Variants in COL13A1 observed in about 807,000 individuals in gnomAD.
COL13A1 encodes the protein collagen type XIII alpha 1 chain, also known as collagen alpha-1(XIII) chain.
Under a neutral mutation model 130.9 loss-of-function variants are expected in COL13A1, and 89 were observed. The observed-to-expected ratio is 0.68, with a 90% CI of 0.57 to 0.81. COL13A1 has a LOEUF of 0.81. Among genes scored for constraint, COL13A1 ranks in the 30% least tolerant of loss-of-function variants. The pLI is 0.00. For missense variants in COL13A1, 879 were observed against 934.6 expected (o/e 0.94, Z 0.78); for synonymous variants, 402 against 341.6 (o/e 1.18, Z -1.95).
At chr10:69,890,328 T>G (rs1180544494) in intron 10 of COL13A1, among the ~76,000 whole-genome samples, 1 of 152,096 alleles carries the variant, frequency 6.6e-6, no homozygotes, top group Non-Finnish European at 1.5e-5. Flanking sequence ...ATTTTGGTTT[T>G]CAATAAATCC....
intron 17 of COL13A1, among the ~76,000 whole-genome samples, chr10:69,908,789 C>T (rs963458190): frequency 4.6e-5 from 7 of 152,156 alleles, no homozygotes; most frequent in Admixed American, 6.5e-5. Flanking sequence ...CCCCAGGAAG[C>T]GGGAGATTTG....
At chr10:69,837,095 G>A (rs1010461923) in intron 2 of COL13A1, among the ~76,000 whole-genome samples, 14 of 152,146 alleles carry the variant, frequency 9.2e-5, no homozygotes, top group African/African-American at 3.4e-4. Context: ...GGGTGCCCAG[G>A]GCCCAAGAGC....
chr10:69,888,125 G>A lies in COL13A1; in HGVS notation c.550-179G>A, dbSNP rs866404882. Among the ~76,000 whole-genome samples the A allele has an allele frequency of 2.0e-5, 3 of 152,312 alleles. No homozygotes were observed. In the South Asian group the frequency reaches 6.2e-4, roughly 32 times the overall value. On this transcript the variant is annotated intron_variant, in intron 8 of 40. Coordinates refer to ENST00000645393, the MANE Select transcript of COL13A1 (RefSeq NM_001368882.1). ...TTCTATTATTCTCAACCCCATTTCA[G>A]GATGGGAAGTTGAGGCCTAGGCTTA... is the stretch of plus-strand genomic sequence containing the variant.
At position 69,889,312 on chromosome 10, in the gene COL13A1, G is replaced by A. The variant is rs772011277; in HGVS notation, c.577-102G>A. The A allele has an allele frequency of 3.1e-5, 26 of 848,134 alleles. 1 individual carries two copies. Among genetic ancestry groups the A allele is most frequent in the Non-Finnish European group, 3.7e-5 (24 of 641,420 alleles). The allele number at this position is 848,134 out of a possible 1,614,324, so 52.5% of individuals were successfully genotyped here. On this transcript the variant is annotated intron_variant, in intron 9 of 40. Transcript: ENST00000645393. Reference sequence around the variant, plus strand: ...ACAGGGGACAGGGAGGAGCACGGGGGGCAGGGAGGAGCACAGGGGGCAGGG... The same window carrying A: ...ACAGGGGACAGGGAGGAGCACGGGGAGCAGGGAGGAGCACAGGGGGCAGGG...
chr10:69,918,105 A>G (rs1341586553), intron 18 of COL13A1, among the ~76,000 whole-genome samples, 180 bp from the exon 19 acceptor site: 1 of 152,058 alleles, frequency 6.6e-6, no homozygotes, highest in Non-Finnish European at 1.5e-5. Flanking sequence ...CTCAGGGTCC[A>G]TTCTCGTGGC....
intron 21 of COL13A1, 49 bp from the exon 22 acceptor site, chr10:69,921,833 T>G: frequency 6.4e-7 from 1 of 1,574,596 alleles, no homozygotes; most frequent in Non-Finnish European, 8.6e-7. Context: ...TTCCCAAACC[T>G]GCTGCAGAAA....
intron 17 of COL13A1, among the ~76,000 whole-genome samples, chr10:69,912,425 T>A (rs1454988476): frequency 6.6e-6 from 1 of 152,108 alleles, no homozygotes; most frequent in Non-Finnish European, 1.5e-5. Flanking sequence ...GCTGCCTTTT[T>A]CCCGGAAGGA....
chr10:69,906,477 T>G (rs531771059), intron 17 of COL13A1, among the ~76,000 whole-genome samples: 1 of 152,150 alleles, frequency 6.6e-6, no homozygotes, highest in Non-Finnish European at 1.5e-5. Flanking sequence ...CCACATGGCC[T>G]CTTATCCTCC....
At chr10:69,918,126 C>G (rs991325300) in intron 18 of COL13A1, among the ~76,000 whole-genome samples, 159 bp from the exon 19 acceptor site, 4 of 152,194 alleles carry the variant, frequency 2.6e-5, no homozygotes, top group African/African-American at 9.7e-5. Context: ...GTCAGCTCAG[C>G]GCCCCCACCT....
At chr10:69,844,923 G>C (rs1262587300) in intron 2 of COL13A1, among the ~76,000 whole-genome samples, 5 of 152,224 alleles carry the variant, frequency 3.3e-5, no homozygotes, top group African/African-American at 1.2e-4. Context: ...GAGAGCCTGG[G>C]CTCTGTTTTG....
intron 2 of COL13A1, among the ~76,000 whole-genome samples, chr10:69,850,801 C>G (rs1320922104): frequency 6.6e-6 from 1 of 152,216 alleles, no homozygotes; most frequent in Admixed American, 6.5e-5. Flanking sequence ...GTGATGGCCT[C>G]AGCCCACCCA....
intron 2 of COL13A1, among the ~76,000 whole-genome samples, chr10:69,867,339 C>A (rs954491372): frequency 6.6e-6 from 1 of 152,252 alleles, no homozygotes; most frequent in African/African-American, 2.4e-5. Context: ...CCACGCCCGC[C>A]CCTGCCTGCC....
chr10:69,890,000 T>C (rs556008548), intron 10 of COL13A1, among the ~76,000 whole-genome samples: 2 of 152,150 alleles, frequency 1.3e-5, no homozygotes, highest in South Asian at 2.1e-4. Context: ...TGTTTGGAGG[T>C]TGGGCCACTT....
At chr10:69,883,642 T>C (rs2134408451) in intron 7 of COL13A1, among the ~76,000 whole-genome samples, 1 of 152,134 alleles carries the variant, frequency 6.6e-6, no homozygotes. Flanking sequence ...GAACCAGCCT[T>C]GTGGAAGGAG....
At chr10:69,909,507 G>A (rs1565028287) in intron 17 of COL13A1, among the ~76,000 whole-genome samples, 2 of 152,226 alleles carry the variant, frequency 1.3e-5, no homozygotes, top group African/African-American at 4.8e-5. Flanking sequence ...CCCATGGCTG[G>A]TCTGGGCACC....
chr10:69,893,804 C>G (rs564067791), intron 10 of COL13A1, among the ~76,000 whole-genome samples: 4 of 152,226 alleles, frequency 2.6e-5, no homozygotes, highest in African/African-American at 7.2e-5. Context: ...ACAAGCATCT[C>G]CCTCACAGAC....
intron 7 of COL13A1, among the ~76,000 whole-genome samples, chr10:69,882,724 GA>G (rs1222892817): frequency 6.6e-6 from 1 of 152,224 alleles, no homozygotes; most frequent in Admixed American, 6.5e-5. Flanking sequence ...TACTTCAGGA[GA>G]AAAAAGTCCT....
In COL13A1 at chr10:69,924,993, C is replaced by A; in HGVS notation, c.1315C>A (p.Pro439Thr). The A allele has an allele frequency of 6.3e-7, 1 of 1,589,518 alleles. No individual in the cohort carries two copies. The highest frequency in any genetic ancestry group is 1.8e-5 in the Admixed American group (1 of 56,264). The change falls in exon 25 of 41, where the codon CCA becomes ACA. Residue 439 changes from proline (P) to threonine (T), a missense_variant. Pro to Thr is a conservative substitution (Grantham distance 38). Transcript: ENST00000645393. ...GCGTGGAGCAGCTGGAGAACAGGGA[C>A]CAGATGGCCCCAAGGTATGTGCCTC... ...GERGAAGEQG[P>T]DGPKGSKGEP...
intron 1 of COL13A1, 43 bp downstream of exon 1, chr10:69,802,760 C>A (rs1314814439): frequency 1.9e-6 from 3 of 1,603,576 alleles, no homozygotes; most frequent in African/African-American, 2.7e-5. Context: ...CCCCGCGGCG[C>A]CCCCTCGCGC....
Sources: gnomAD v4.1 joint callset for allele counts (sites outside exome capture counted in the v4.1 genomes callset) on GRCh38, gnomAD v4.1.1 for gene constraint, MANE v1.5 for transcripts, NCBI Gene and HGNC (gene_info 2026-07-23, HGNC 2026-07-21) for gene names.